The following PALM2AKAP2 variants were observed in gnomAD, a reference collection of about 807,000 sequenced individuals.
PALM2AKAP2 encodes the protein PALM2-AKAP2 fusion protein.
A neutral mutation model predicts 71.5 loss-of-function variants in PALM2AKAP2; 37 were observed. The observed-to-expected ratio is 0.52, with a 90% CI of 0.40 to 0.68. The LOEUF is 0.68. Ranked by LOEUF, PALM2AKAP2 falls within the 30% of genes least tolerant of loss-of-function variation. The pLI is 0.00. For missense variants in PALM2AKAP2, 1,224 were observed against 1,191.8 expected (o/e 1.03, Z -0.40); for synonymous variants, 468 against 478.8 (o/e 0.98, Z 0.29).
intron 1 of PALM2AKAP2, among the ~76,000 whole-genome samples, chr9:110,093,597 A>G (rs2118810543): frequency 6.6e-6 from 1 of 152,320 alleles, no homozygotes; most frequent in Middle Eastern, 3.4e-3. Flanking sequence ...TACTCTAATC[A>G]TGTGAAGAGT....
intron 1 of PALM2AKAP2, among the ~76,000 whole-genome samples, chr9:110,088,011 A>G (rs1834611744): frequency 6.6e-6 from 1 of 152,208 alleles, no homozygotes; most frequent in Non-Finnish European, 1.5e-5. Flanking sequence ...TCAAATTGTT[A>G]TCAGTGGAGG....
At chr9:110,094,666 G>T (rs1375962114) in intron 1 of PALM2AKAP2, among the ~76,000 whole-genome samples, 1 of 99,792 alleles carries the variant, frequency 1.0e-5, no homozygotes, top group African/African-American at 5.2e-5. Flanking sequence ...AGCACCACGG[G>T]GCGGGGGGGC....
chr9:109,757,946 T>A (rs778605761), intron 1 of PALM2AKAP2, among the ~76,000 whole-genome samples: 1 of 152,060 alleles, frequency 6.6e-6, no homozygotes, highest in Non-Finnish European at 1.5e-5. Flanking sequence ...TCAAAATTTA[T>A]ATCCACAAAA....
At chr9:109,884,008 A>C (rs778930878) in intron 3 of PALM2AKAP2, among the ~76,000 whole-genome samples, 1 of 152,236 alleles carries the variant, frequency 6.6e-6, no homozygotes, top group South Asian at 2.1e-4. Flanking sequence ...AAGGGAAGAG[A>C]CAGCCAGCCA....
chr9:109,684,351 G>A (rs73526959), intron 1 of PALM2AKAP2, among the ~76,000 whole-genome samples: 1,708 of 152,166 alleles, frequency 0.011, 36 homozygotes, highest in African/African-American at 0.038. Flanking sequence ...GCTAATGCCC[G>A]GGCCCCACTC....
chr9:109,847,480 G>A (rs917750134), intron 1 of PALM2AKAP2, among the ~76,000 whole-genome samples: 3 of 152,144 alleles, frequency 2.0e-5, no homozygotes, highest in East Asian at 1.9e-4. Flanking sequence ...GATGGCTCAC[G>A]CCTGTAATCC....
chr9:110,027,673 C>T (rs765331075), intron 7 of PALM2AKAP2, among the ~76,000 whole-genome samples: 9 of 152,214 alleles, frequency 5.9e-5, no homozygotes, highest in Non-Finnish European at 1.0e-4. Context: ...TGTTGCTTCT[C>T]TACACGTAAA....
At chr9:109,706,014 T>C (rs1340402880) in intron 1 of PALM2AKAP2, among the ~76,000 whole-genome samples, 1 of 152,126 alleles carries the variant, frequency 6.6e-6, no homozygotes, top group African/African-American at 2.4e-5. Context: ...TGCCTCTAAC[T>C]TCAAGTCTCC....
chr9:109,873,071 G>A (rs1393835507), intron 2 of PALM2AKAP2, among the ~76,000 whole-genome samples: 3 of 151,982 alleles, frequency 2.0e-5, no homozygotes, highest in Non-Finnish European at 4.4e-5. Context: ...AGAGTGGGAA[G>A]GATAGGGGAA....
intron 1 of PALM2AKAP2, among the ~76,000 whole-genome samples, chr9:109,726,505 C>T (rs1201079550): frequency 6.6e-6 from 1 of 152,228 alleles, no homozygotes; most frequent in African/African-American, 2.4e-5. Context: ...GGTTGCTGAC[C>T]ATTCCAGAGA....
At chr9:110,158,884 A>G (rs986647601) in intron 3 of PALM2AKAP2, among the ~76,000 whole-genome samples, 3 of 152,170 alleles carry the variant, frequency 2.0e-5, no homozygotes, top group Non-Finnish European at 2.9e-5. Flanking sequence ...AAGAGACCCA[A>G]ATCTAAAACA....
intron 2 of PALM2AKAP2, among the ~76,000 whole-genome samples, chr9:109,869,817 T>C (rs16914568): frequency 0.026 from 4,030 of 152,264 alleles, 121 homozygotes; most frequent in African/African-American, 0.075. Context: ...TGAGATTGGC[T>C]ATCTGAAGGA....
intron 1 of PALM2AKAP2, among the ~76,000 whole-genome samples, chr9:109,806,229 A>G (rs1308862430): frequency 1.3e-5 from 2 of 152,200 alleles, no homozygotes; most frequent in African/African-American, 4.8e-5. Context: ...TTTCTTTTTG[A>G]TTTATTTACA....
At chr9:109,736,527 TG>T (rs1410906658) in intron 1 of PALM2AKAP2, among the ~76,000 whole-genome samples, 1 of 152,226 alleles carries the variant, frequency 6.6e-6, no homozygotes, top group Non-Finnish European at 1.5e-5. Context: ...GAGCCATTTT[TG>T]CTTCATGACT....
chr9:110,032,843 G>C (rs1833311821), intron 7 of PALM2AKAP2, among the ~76,000 whole-genome samples: 1 of 151,986 alleles, frequency 6.6e-6, no homozygotes, highest in Non-Finnish European at 1.5e-5. Context: ...GAGACAGGTG[G>C]GAGAATCACT....
At chr9:110,144,043 G>C (rs1259332459) in intron 2 of PALM2AKAP2, among the ~76,000 whole-genome samples, 1 of 152,188 alleles carries the variant, frequency 6.6e-6, no homozygotes, top group Non-Finnish European at 1.5e-5. Context: ...TATCACAAAG[G>C]AAAGTCTTAG....
chr9:109,792,408 T>G (rs1268494490), intron 1 of PALM2AKAP2, among the ~76,000 whole-genome samples: 1 of 152,252 alleles, frequency 6.6e-6, no homozygotes, highest in African/African-American at 2.4e-5. Context: ...ATTATAGGCA[T>G]GTGCCATTGC....
intron 1 of PALM2AKAP2, among the ~76,000 whole-genome samples, chr9:109,782,762 GT>G (rs1261035897): frequency 6.6e-6 from 1 of 151,838 alleles, no homozygotes; most frequent in African/African-American, 2.4e-5. Flanking sequence ...GTGTGTGTGT[GT>G]GTGTGTGTGT....
intron 1 of PALM2AKAP2, among the ~76,000 whole-genome samples, chr9:109,741,707 T>C (rs1229829459): frequency 6.6e-6 from 1 of 152,248 alleles, no homozygotes; most frequent in Non-Finnish European, 1.5e-5. Flanking sequence ...TCCAAGATCG[T>C]GAAAGGATTT....
Sources: allele counts gnomAD v4.1 joint callset (sites outside exome capture counted in the v4.1 genomes callset), GRCh38; gene constraint gnomAD v4.1.1; transcripts MANE v1.5; gene names NCBI Gene and HGNC (gene_info 2026-07-23, HGNC 2026-07-21).